PCDHGC4: variants seen among roughly 807,000 people sequenced by gnomAD.
PCDHGC4 encodes the protein protocadherin gamma-C4.
In PCDHGC4, 15 loss-of-function variants were observed where a neutral mutation model predicts 59.7. The ratio of observed to expected loss-of-function variants is 0.25; its 90% CI spans 0.17 to 0.39. PCDHGC4 has a LOEUF of 0.39. Ranked by LOEUF, PCDHGC4 falls within the 10% of genes least tolerant of loss-of-function variation. The probability of loss-of-function intolerance (pLI) is 1.00; values close to 1 mark genes in which losing one functional copy is unlikely to be tolerated. For missense variants in PCDHGC4, 1,016 were observed against 1,189.5 expected (o/e 0.85, Z 2.15); for synonymous variants, 434 against 481.4 (o/e 0.90, Z 1.29).
chr5:141,492,503 A>G (rs1341352458), intron 1 of PCDHGC4, among the ~76,000 whole-genome samples: 1 of 151,188 alleles, frequency 6.6e-6, no homozygotes, highest in Non-Finnish European at 1.5e-5. Context: ...AGGACTCCGG[A>G]GCCTCCTCTC....
In PCDHGC4 at chr5:141,485,233, C is replaced by T; in HGVS notation, c.60C>T (p.Leu20=). 1.2e-6 allele frequency: 2 copies of T among 1,614,182 alleles called. No individual in the cohort carries two copies. The highest frequency in any genetic ancestry group is 1.7e-6 in the Non-Finnish European group (2 of 1,180,030). ...GGCGGTGGGCTACCCTTTTGTTCCTCTTTTACCACCTGGGTTACGTTTGTG... is the reference window on the plus strand; with the variant it reads ...GGCGGTGGGCTACCCTTTTGTTCCTTTTTTACCACCTGGGTTACGTTTGTG... ...EIWRWATLLF[L]FYHLGYVCGQ... is the part of the protein sequence containing the mutation. The change falls in exon 1 of 4, where the codon CTC becomes CTT. Residue 20 remains leucine (L), a synonymous_variant. Transcript: ENST00000306593. This position sits in a 1 kb window ranked among gnomAD's most constrained non-coding sequence, Gnocchi z 5.7.
At chr5:141,509,404 A>C (rs1248030362) in intron 3 of PCDHGC4, among the ~76,000 whole-genome samples, 3 of 152,112 alleles carry the variant, frequency 2.0e-5, no homozygotes, top group Non-Finnish European at 4.4e-5. Context: ...CAGGGCCTCC[A>C]GCAGCGAGCC....
At chr5:141,500,789 C>G (rs1006758925) in intron 2 of PCDHGC4, among the ~76,000 whole-genome samples, 2 of 152,142 alleles carry the variant, frequency 1.3e-5, no homozygotes, top group African/African-American at 4.8e-5. Flanking sequence ...TATTATTTTA[C>G]AGAATAAGTC....
Position 141,490,667 on chromosome 5 carries a change from T to C in PCDHGC4, c.2442+3052T>C, listed in dbSNP as rs906656199. The stretch of plus-strand genomic sequence containing the variant: ...CCTCCGGGCTCCCTTCTTTGCACTG[T>C]GGCTGCCTCAGATCCAGACACTGGG... On this transcript the variant is annotated intron_variant, in intron 1 of 3. Transcript: ENST00000306593. This position sits in a 1 kb window ranked among gnomAD's most constrained non-coding sequence, Gnocchi z 5.4. The C allele has an allele frequency of 6.8e-6, 11 of 1,614,206 alleles. 1 individual carries two copies. The highest frequency in any genetic ancestry group is 4.5e-5 in the East Asian group (2 of 44,876).
chr5:141,511,730 T>C lies in PCDHGC4; in HGVS notation c.*557T>C, dbSNP rs772107999. 5.1e-5 allele frequency: 9 copies of C among 177,790 alleles called. No homozygotes were observed. The highest frequency in any genetic ancestry group is 5.3e-5 in the Admixed American group (1 of 18,706). The allele number at this position is 177,790 out of a possible 1,614,324, so 11.0% of individuals were successfully genotyped here. On this transcript the variant is annotated 3_prime_UTR_variant, in exon 4 of 4. Transcript: ENST00000306593. ...ACCTCCTTCCAGAGCCCAAGATCAA[T>C]GCTCAAGTTTTGGAGGACATGATCA...
chr5:141,492,546 G>A (rs2154587552), intron 1 of PCDHGC4, among the ~76,000 whole-genome samples: 1 of 152,336 alleles, frequency 6.6e-6, no homozygotes, highest in East Asian at 1.9e-4. Flanking sequence ...GCTGGGCCGG[G>A]TCGCCTGGGG....
intron 2 of PCDHGC4, among the ~76,000 whole-genome samples, chr5:141,498,260 A>C (rs1044675509): frequency 6.6e-6 from 1 of 152,140 alleles, no homozygotes; most frequent in Non-Finnish European, 1.5e-5. Flanking sequence ...GCTGGTGTTG[A>C]GTTCTTCAGT....
rs527514615 is a variant in PCDHGC4 at position 141,485,941 on chromosome 5, A to G, written c.768A>G (p.Pro256=). ...SYRISVLESA[P]AGMVLIQLNA... ...GGATTAGTGTGTTGGAGAGCGCACC[A>G]GCGGGCATGGTGCTCATCCAGCTCA... is the stretch of plus-strand genomic sequence containing the variant. The change falls in exon 1 of 4, where the codon CCA becomes CCG. Residue 256 remains proline, a synonymous_variant. Coordinates refer to ENST00000306593, the MANE Select transcript of PCDHGC4 (RefSeq NM_018928.3). This position sits in a 1 kb window ranked among gnomAD's most constrained non-coding sequence, Gnocchi z 5.7. The G allele has an allele frequency of 2.5e-6, 4 of 1,614,180 alleles. No homozygotes were observed. The highest frequency in any genetic ancestry group is 2.7e-5 in the African/African-American group (2 of 75,032).
chr5:141,497,005 A>T (rs1249733879), intron 2 of PCDHGC4, among the ~76,000 whole-genome samples: 1 of 152,134 alleles, frequency 6.6e-6, no homozygotes, highest in Non-Finnish European at 1.5e-5. Context: ...GGCAGCCAAC[A>T]TGGTGAAACC....
intron 2 of PCDHGC4, among the ~76,000 whole-genome samples, chr5:141,502,944 A>G (rs1447378539): frequency 1.4e-5 from 2 of 145,406 alleles, no homozygotes; most frequent in Non-Finnish European, 1.5e-5. Context: ...CCTGGGTTCA[A>G]GCGATTCTCC....
Position 141,485,436 on chromosome 5 carries a change from A to G in PCDHGC4, c.263A>G (p.Asn88Ser), listed in dbSNP as rs2099613369. The change falls in exon 1 of 4, where the codon AAC becomes AGC. Residue 88 changes from asparagine (N) to serine (S), a missense_variant. Transcript: ENST00000306593. This position sits in a 1 kb window ranked among gnomAD's most constrained non-coding sequence, Gnocchi z 5.7. ...GACAGCGGAGCCCTGCTCATCAAGA[A>G]CCCAATCGACCGAGAGGCACTGTGT... Reference protein sequence around the residue: ...DLDSGALLIKNPIDREALCGL... With the variant: ...DLDSGALLIKSPIDREALCGL... 1.9e-6 allele frequency: 3 copies of G among 1,614,092 alleles called. No individual in the cohort carries two copies. The highest frequency in any genetic ancestry group is 2.7e-5 in the African/African-American group (2 of 74,934).
chr5:141,485,093 T>C lies in PCDHGC4; in HGVS notation c.-81T>C. 1 of 1,076,296 alleles carries C rather than the reference T, an allele frequency of 9.3e-7. No homozygotes were observed. Among genetic ancestry groups the C allele is most frequent in the Non-Finnish European group, 1.4e-6 (1 of 718,118 alleles). 66.7% of individuals were successfully genotyped at this position (1,076,296 alleles called of 1,614,324 possible). ...TGGCGCGGGGAAAGGGAGATAGGTG[T>C]CTCCAGCTGCTGTGGCTGTTTGGGG... On this transcript the variant is annotated 5_prime_UTR_variant, in exon 1 of 4. Coordinates refer to ENST00000306593, the MANE Select transcript of PCDHGC4 (RefSeq NM_018928.3). The surrounding 1 kb of genome is among the most constrained non-coding windows in gnomAD (Gnocchi z 5.7).
rs562192762 is a variant in PCDHGC4, at chr5:141,485,718, T to C, written c.545T>C (p.Val182Ala). 1 of 1,614,058 alleles carries C rather than the reference T, an allele frequency of 6.2e-7. No homozygotes were observed. The highest frequency in any genetic ancestry group is 2.2e-5 in the East Asian group (1 of 44,866). Residue 182 changes from valine (V) to alanine (A), a missense_variant, in exon 1 of 4, where the codon GTG (valine) becomes GCG (alanine). Physicochemically the swap from Val to Ala is moderately conservative, Grantham distance 64. Coordinates refer to ENST00000306593, the MANE Select transcript of PCDHGC4 (RefSeq NM_018928.3). This position sits in a 1 kb window ranked among gnomAD's most constrained non-coding sequence, Gnocchi z 5.7. The part of the protein sequence containing the change: ...LSSNEHFALD[V>A]KKRSDGSLVP... ...TCCAATGAACACTTTGCACTGGATG[T>C]GAAGAAGCGCAGCGACGGCAGCCTG...
rs1226194073 is a variant in PCDHGC4, at chr5:141,490,496, A to G, written c.2442+2881A>G. The G allele has an allele frequency of 6.2e-7, 1 of 1,614,096 alleles. No individual in the cohort carries two copies. Among genetic ancestry groups the G allele is most frequent in the East Asian group, 2.2e-5 (1 of 44,894 alleles). On this transcript the variant is annotated intron_variant, in intron 1 of 3. Coordinates refer to ENST00000306593, the MANE Select transcript of PCDHGC4 (RefSeq NM_018928.3). The surrounding 1 kb of genome is among the most constrained non-coding windows in gnomAD (Gnocchi z 5.4). ...CCTTTGGACCGGGAGGCCACATCCCACTATATCATCGAGCTGCTGGCCAGC... is the reference window on the plus strand; with the variant it reads ...CCTTTGGACCGGGAGGCCACATCCCGCTATATCATCGAGCTGCTGGCCAGC...
chr5:141,487,593 C>G lies in PCDHGC4; in HGVS notation c.2420C>G (p.Ser807Cys). The G allele has an allele frequency of 6.2e-7, 1 of 1,614,206 alleles. No homozygotes were observed. Among genetic ancestry groups the G allele is most frequent in the African/African-American group, 1.3e-5 (1 of 75,062 alleles). Residue 807 changes from serine (S) to cysteine (C), a missense_variant, in exon 1 of 4, where the codon TCT becomes TGT. Coordinates refer to ENST00000306593, the MANE Select transcript of PCDHGC4 (RefSeq NM_018928.3). This position sits in a 1 kb window ranked among gnomAD's most constrained non-coding sequence, Gnocchi z 5.0. ...GEPVRPSCPP[S>C]DLLYGLEQAP... ...CCTGTTCGCCCAAGCTGCCCACCCT[C>G]TGATCTTCTCTATGGGCTAGAGGTG...
chr5:141,494,925 G>T (rs936071950), intron 2 of PCDHGC4, 60 bp downstream of exon 2: 1 of 1,613,316 alleles, frequency 6.2e-7, no homozygotes. Flanking sequence ...GGGATGACGT[G>T]GGAGGAGATG....
chr5:141,504,200 G>C (rs1232187138), intron 2 of PCDHGC4, among the ~76,000 whole-genome samples: 1 of 152,154 alleles, frequency 6.6e-6, no homozygotes, highest in Non-Finnish European at 1.5e-5. Context: ...TTGTCACTGT[G>C]GGAAAATTCC....
Position 141,490,140 on chromosome 5 carries a change from G to T in PCDHGC4, c.2442+2525G>T. On this transcript the variant is annotated intron_variant, in intron 1 of 3. Transcript: ENST00000306593. This position sits in a 1 kb window ranked among gnomAD's most constrained non-coding sequence, Gnocchi z 5.4. Reference sequence around the variant, plus strand: ...TCTTTGGCCTAGACCCTAGCAGTGGGGCAATCCATGTGTTGGGTCCCATAG... The same window carrying T: ...TCTTTGGCCTAGACCCTAGCAGTGGTGCAATCCATGTGTTGGGTCCCATAG... 1 of 1,614,206 alleles carries T rather than the reference G, an allele frequency of 6.2e-7. No homozygotes were observed. The highest frequency in any genetic ancestry group is 8.5e-7 in the Non-Finnish European group (1 of 1,180,026).
chr5:141,495,205 C>T (rs977479495), intron 2 of PCDHGC4, among the ~76,000 whole-genome samples: 1 of 152,212 alleles, frequency 6.6e-6, no homozygotes, highest in African/African-American at 2.4e-5. Flanking sequence ...TACTGCCTAA[C>T]CCCCTCCCCT....
Sources: gnomAD v4.1 joint callset for allele counts (sites outside exome capture counted in the v4.1 genomes callset) on GRCh38, gnomAD v4.1.1 for gene constraint, Gnocchi (gnomAD v3.1) non-coding constraint, MANE v1.5 for transcripts, NCBI Gene and HGNC (gene_info 2026-07-23, HGNC 2026-07-21) for gene names.